The following SMG6 variants were observed in gnomAD, a reference collection of about 807,000 sequenced individuals.
The protein encoded by SMG6 is telomerase-binding protein EST1A.
Under a neutral mutation model 142.2 loss-of-function variants are expected in SMG6, and 66 were observed. The ratio of observed to expected loss-of-function variants is 0.46; its 90% CI spans 0.38 to 0.57. SMG6 has a LOEUF of 0.57. Among genes scored for constraint, SMG6 ranks in the 20% least tolerant of loss-of-function variants. The probability of loss-of-function intolerance (pLI) is 0.00; values close to 1 mark genes in which losing one functional copy is unlikely to be tolerated. For synonymous variants in SMG6, 779 were observed against 702.4 expected, an observed-to-expected ratio of 1.11 and a Z score of -1.72; for missense variants, 1,793 against 1,832.0, an observed-to-expected ratio of 0.98 and a Z score of 0.39.
At chr17:2,303,018 C>T (rs1175654663) in intron 1 of SMG6, 2 of 985,346 alleles carry the variant, frequency 2.0e-6, no homozygotes, top group East Asian at 2.3e-4. Flanking sequence ...TCTTACTTTC[C>T]TGACGTGGCT....
intron 15 of SMG6, among the ~76,000 whole-genome samples, chr17:2,080,408 ACT>A (rs1387297806): frequency 1.3e-5 from 2 of 152,150 alleles, no homozygotes; most frequent in Non-Finnish European, 2.9e-5. Flanking sequence ...ACACAGCGAG[ACT>A]CTGTCTCAAA....
At chr17:2,204,360 C>T (rs1432612411) in intron 10 of SMG6, among the ~76,000 whole-genome samples, 1 of 152,072 alleles carries the variant, frequency 6.6e-6, no homozygotes, top group African/African-American at 2.4e-5. Context: ...TTGGTGGTTA[C>T]CTTGTGAATA....
chr17:2,151,794 G>A (rs1019250257), intron 13 of SMG6, among the ~76,000 whole-genome samples: 3 of 152,182 alleles, frequency 2.0e-5, no homozygotes, highest in Non-Finnish European at 4.4e-5. Flanking sequence ...CAACATGAAA[G>A]AGACCCATGG....
intron 13 of SMG6, among the ~76,000 whole-genome samples, chr17:2,155,211 G>A (rs926363253): frequency 6.6e-6 from 1 of 151,896 alleles, no homozygotes; most frequent in East Asian, 1.9e-4. Flanking sequence ...ACAGGTGTGC[G>A]CCACCATGCC....
intron 15 of SMG6, among the ~76,000 whole-genome samples, chr17:2,078,311 T>A (rs2068316816): frequency 6.6e-6 from 1 of 152,022 alleles, no homozygotes; most frequent in South Asian, 2.1e-4. Flanking sequence ...TGAAATTAGA[T>A]ACTAGGGGTT....
intron 13 of SMG6, among the ~76,000 whole-genome samples, chr17:2,168,238 G>C (rs2071400898): frequency 6.6e-6 from 1 of 151,654 alleles, no homozygotes. Context: ...CTGTCACCCA[G>C]GCTGGAGTAC....
intron 15 of SMG6, among the ~76,000 whole-genome samples, chr17:2,078,759 G>A (rs183019897): frequency 6.6e-6 from 1 of 152,144 alleles, no homozygotes; most frequent in African/African-American, 2.4e-5. Flanking sequence ...AAAGAATGGT[G>A]GTGAGGAAGC....
intron 13 of SMG6, among the ~76,000 whole-genome samples, chr17:2,129,649 C>T (rs1463581512): frequency 3.3e-5 from 5 of 151,378 alleles, no homozygotes; most frequent in Non-Finnish European, 7.4e-5. Flanking sequence ...AAAAAATCAG[C>T]CTGGCGTGGT....
intron 12 of SMG6, among the ~76,000 whole-genome samples, chr17:2,179,460 C>A (rs559528943): frequency 1.3e-5 from 2 of 152,200 alleles, no homozygotes; most frequent in Non-Finnish European, 2.9e-5. Context: ...ATACGCCCTA[C>A]GTATCCCTCT....
intron 8 of SMG6, among the ~76,000 whole-genome samples, chr17:2,261,794 G>A (rs1464589575): frequency 6.6e-6 from 1 of 152,224 alleles, no homozygotes; most frequent in Non-Finnish European, 1.5e-5. Flanking sequence ...CTGGTCTGCA[G>A]TGACCACAAG....
chr17:2,076,328 G>C (rs2068256635), intron 15 of SMG6, among the ~76,000 whole-genome samples: 1 of 152,090 alleles, frequency 6.6e-6, no homozygotes. Context: ...CTTCCTTATT[G>C]TATTAGTGTG....
At chr17:2,176,319 A>G (rs1420244440) in intron 12 of SMG6, among the ~76,000 whole-genome samples, 1 of 152,228 alleles carries the variant, frequency 6.6e-6, no homozygotes, top group Admixed American at 6.5e-5. Context: ...AAGGTTGGCC[A>G]GGGCCAAGGA....
chr17:2,073,532 A>C (rs2068169308), intron 15 of SMG6, among the ~76,000 whole-genome samples: 1 of 151,340 alleles, frequency 6.6e-6, no homozygotes, highest in South Asian at 2.1e-4. Context: ...AACATCGCGG[A>C]ACCCCGTCTC....
chr17:2,211,576 A>G (rs2072864332), intron 10 of SMG6, among the ~76,000 whole-genome samples: 1 of 151,216 alleles, frequency 6.6e-6, no homozygotes, highest in Admixed American at 6.6e-5. Context: ...AGGCAGGAGA[A>G]TGGCGTGAAC....
At chr17:2,263,813 C>T (rs904983440) in intron 8 of SMG6, among the ~76,000 whole-genome samples, 2 of 152,110 alleles carry the variant, frequency 1.3e-5, no homozygotes, top group African/African-American at 4.8e-5. Context: ...AAGAAAACAA[C>T]GATTTCATAT....
In SMG6 at chr17:2,292,487, A is replaced by G. The variant is rs2075059596; in HGVS notation, c.2337+65T>C. 4.0e-6 allele frequency: 6 copies of G among 1,490,188 alleles called. No individual in the cohort carries two copies. The Admixed American group carries it at 1.0e-4, about 26-fold the overall frequency. 92.3% of individuals were successfully genotyped at this position (1,490,188 alleles called of 1,614,324 possible). A position where few individuals can be genotyped will look rare whatever the true frequency, so the allele number is the denominator to read the frequency against. ...AAATGAAGCTCCAGGAACTGATATT[A>G]TCAAACTCCATATTGTAAGATACTT... On this transcript the variant is annotated intron_variant, in intron 6 of 18. Transcript: ENST00000263073.
intron 8 of SMG6, among the ~76,000 whole-genome samples, chr17:2,273,081 T>A (rs2074573526): frequency 6.6e-6 from 1 of 152,200 alleles, no homozygotes; most frequent in South Asian, 2.1e-4. Flanking sequence ...AAGGCTGTGA[T>A]GTGTTTTACA....
chr17:2,157,082 A>C (rs2071031054), intron 13 of SMG6, among the ~76,000 whole-genome samples: 1 of 152,160 alleles, frequency 6.6e-6, no homozygotes, highest in Non-Finnish European at 1.5e-5. Context: ...TAACCTAAAA[A>C]GGTTCCCAAA....
chr17:2,140,336 C>G (rs567865862), intron 13 of SMG6, among the ~76,000 whole-genome samples: 1 of 152,226 alleles, frequency 6.6e-6, no homozygotes, highest in Non-Finnish European at 1.5e-5. Context: ...GGGTTACAGG[C>G]GTAAGCCACT....
Sources: allele counts gnomAD v4.1 joint callset (sites outside exome capture counted in the v4.1 genomes callset), GRCh38; gene constraint gnomAD v4.1.1; transcripts MANE v1.5; gene names NCBI Gene and HGNC (gene_info 2026-07-23, HGNC 2026-07-21).